The following ZSWIM5 variants were observed in gnomAD, a reference collection of about 807,000 sequenced individuals.
The protein encoded by ZSWIM5 is zinc finger SWIM domain-containing protein 5.
ZSWIM5 carries 55 observed loss-of-function variants against 119.6 expected under a neutral mutation model. The observed-to-expected ratio is 0.46, with a 90% CI of 0.37 to 0.58. The LOEUF (loss-of-function observed/expected upper bound fraction) is 0.58. ZSWIM5 is among the 20% of genes least tolerant of loss of function. The pLI is 0.00. For synonymous variants in ZSWIM5, 537 were observed against 606.9 expected, an observed-to-expected ratio of 0.88 and a Z score of 1.69; for missense variants, 1,193 against 1,512.8, an observed-to-expected ratio of 0.79 and a Z score of 3.51.
At chr1:45,059,766 T>A (rs1645142320) in intron 3 of ZSWIM5, among the ~76,000 whole-genome samples, 1 of 152,186 alleles carries the variant, frequency 6.6e-6, no homozygotes, top group Non-Finnish European at 1.5e-5. Flanking sequence ...TAAGTGTCTT[T>A]AGGAACAATG....
At chr1:45,027,903 G>A (rs1644929968) in intron 11 of ZSWIM5, among the ~76,000 whole-genome samples, 1 of 151,926 alleles carries the variant, frequency 6.6e-6, no homozygotes. Flanking sequence ...CCAGGCTGGA[G>A]TGCAATGGCA....
intron 1 of ZSWIM5, among the ~76,000 whole-genome samples, chr1:45,148,943 A>G (rs971564136): frequency 1.3e-5 from 2 of 152,210 alleles, no homozygotes; most frequent in African/African-American, 4.8e-5. Flanking sequence ...TGCTTAAGGG[A>G]ATAACAACAA....
In ZSWIM5 at chr1:45,132,616, CTTTT is replaced by C. The variant is rs529045614; in HGVS notation, c.596-44383_596-44380del. The stretch of plus-strand genomic sequence containing the variant: ...TGCCTACGGGAAAATAATTTTTTTT[CTTTT>C]TTTTTATTATACTTTAAGTTCTAGG... On this transcript the variant is annotated intron_variant, in intron 1 of 13. Coordinates refer to ENST00000359600, the MANE Select transcript of ZSWIM5 (RefSeq NM_020883.2). Among the ~76,000 whole-genome samples, 540 of 151,118 alleles carry C rather than the reference CTTTT, an allele frequency of 3.6e-3. 5 individuals are homozygous for C. The highest frequency in any genetic ancestry group is 0.016 in the East Asian group (81 of 5,150).
chr1:45,113,608 G>C (rs1163195272), intron 1 of ZSWIM5, among the ~76,000 whole-genome samples: 1 of 152,230 alleles, frequency 6.6e-6, no homozygotes, highest in Non-Finnish European at 1.5e-5. Context: ...AACTGGAACA[G>C]AAGCAGAAAG....
chr1:45,165,833 C>T (rs1195435457), intron 1 of ZSWIM5, among the ~76,000 whole-genome samples: 2 of 152,048 alleles, frequency 1.3e-5, no homozygotes, highest in Admixed American at 6.6e-5. Flanking sequence ...TAATAGCCTA[C>T]CAACCAAAAA....
At chr1:45,148,933 T>C (rs566285334) in intron 1 of ZSWIM5, among the ~76,000 whole-genome samples, 1 of 152,350 alleles carries the variant, frequency 6.6e-6, no homozygotes, top group Admixed American at 6.5e-5. Context: ...AGATCACAGC[T>C]GCTTAAGGGA....
intron 1 of ZSWIM5, among the ~76,000 whole-genome samples, chr1:45,110,304 T>C (rs564214843): frequency 1.3e-5 from 2 of 152,316 alleles, no homozygotes; most frequent in East Asian, 3.9e-4. Flanking sequence ...AAGAAAAGCC[T>C]TCTTCTGTGA....
rs55717021 is a variant in ZSWIM5, at chr1:45,038,604, C to CTTTTTTTTTTTTTTTT, written c.1894+316_1894+331dup. Among the ~76,000 whole-genome samples, 30 of 48,504 alleles carry CTTTTTTTTTTTTTTTT rather than the reference C, an allele frequency of 6.2e-4. 11 individuals are homozygous for CTTTTTTTTTTTTTTTT. The highest frequency in any genetic ancestry group is 9.1e-4 in the Non-Finnish European group (26 of 28,510). The allele number at this position is 48,504 out of a possible 152,430, so 31.8% of individuals were successfully genotyped here. A position where few individuals can be genotyped will look rare whatever the true frequency, so the allele number is the denominator to read the frequency against. On this transcript the variant is annotated intron_variant, in intron 8 of 13. Coordinates refer to ENST00000359600, the MANE Select transcript of ZSWIM5 (RefSeq NM_020883.2). Reference sequence around the variant, plus strand: ...GGAGAAAAGGGCTGACGAGGGCAGTCTTTTTTTTTTTTTTTTTAATGAAAC... The same window carrying CTTTTTTTTTTTTTTTT: ...GGAGAAAAGGGCTGACGAGGGCAGTCTTTTTTTTTTTTTTTTTTTTTTTTTTTTTTTTTAATGAAAC...
rs1646188324 is a variant in ZSWIM5 at position 45,206,081 on chromosome 1, C to T, written c.270G>A (p.Pro90=). ...AGACGATGCGGCGCTGCACGGGCTC[C>T]GGGATCCGCTCGAAGCGCTCCTCCA... is the stretch of plus-strand genomic sequence containing the variant. The part of the protein sequence containing the change: ...ERVEERFERI[P]EPVQRRIVYW... Residue 90 remains proline, a synonymous_variant, in exon 1 of 14, where the codon CCG becomes CCA. Transcript: ENST00000359600. 1 of 1,611,676 alleles carries T rather than the reference C, an allele frequency of 6.2e-7. No homozygotes were observed. The highest frequency in any genetic ancestry group is 1.1e-5 in the South Asian group (1 of 91,028).
intron 5 of ZSWIM5, among the ~76,000 whole-genome samples, chr1:45,048,216 T>C (rs1209092488): frequency 2.0e-5 from 3 of 151,982 alleles, no homozygotes; most frequent in South Asian, 2.1e-4. Flanking sequence ...ATTTTTGTAT[T>C]TTTTGTAGAG....
intron 1 of ZSWIM5, among the ~76,000 whole-genome samples, chr1:45,183,859 A>C (rs1486965835): frequency 6.6e-6 from 1 of 152,246 alleles, no homozygotes; most frequent in Admixed American, 6.5e-5. Flanking sequence ...AAACTATTCC[A>C]ATCAATAGAA....
At chr1:45,132,158 T>C (rs1298251580) in intron 1 of ZSWIM5, among the ~76,000 whole-genome samples, 1 of 151,516 alleles carries the variant, frequency 6.6e-6, no homozygotes, top group Non-Finnish European at 1.5e-5. Flanking sequence ...TATATATTTA[T>C]ATATGTACTT....
chr1:45,137,650 G>C (rs932970963), intron 1 of ZSWIM5, among the ~76,000 whole-genome samples: 1 of 152,124 alleles, frequency 6.6e-6, no homozygotes, highest in East Asian at 1.9e-4. Context: ...ACAATATAAA[G>C]ATCCAAAGAC....
chr1:45,134,679 A>G (rs1198993030), intron 1 of ZSWIM5, among the ~76,000 whole-genome samples: 1 of 152,206 alleles, frequency 6.6e-6, no homozygotes, highest in Non-Finnish European at 1.5e-5. Context: ...ATTGGAAAAA[A>G]GCATGATGCT....
rs1463982784 is a variant in ZSWIM5, at chr1:45,204,289, A to C, written c.595+1467T>G. Among the ~76,000 whole-genome samples, 6 of 152,272 alleles carry C rather than the reference A, an allele frequency of 3.9e-5. No homozygotes were observed. In the Middle Eastern group the frequency reaches 0.014, roughly 345 times the overall value. On this transcript the variant is annotated intron_variant, in intron 1 of 13. Transcript: ENST00000359600. ...TAAATAAATGATCGAAACTCAGAAA[A>C]ATTAAAATTTACAGACTAATAGGAA...
chr1:45,190,450 G>T (rs1163058647), intron 1 of ZSWIM5, among the ~76,000 whole-genome samples: 2 of 152,164 alleles, frequency 1.3e-5, no homozygotes, highest in Non-Finnish European at 2.9e-5. Flanking sequence ...ACTACTTTCA[G>T]TGACAGAAGT....
chr1:45,193,647 A>G (rs2149054239), intron 1 of ZSWIM5, among the ~76,000 whole-genome samples: 1 of 152,292 alleles, frequency 6.6e-6, no homozygotes, highest in African/African-American at 2.4e-5. Flanking sequence ...AGCATAAGTC[A>G]GACTACAAAA....
rs758591989 is a variant in ZSWIM5 at position 45,206,185 on chromosome 1, C to A, written c.166G>T (p.Ala56Ser). ...GAATCCGGCTGCAGGTGGGGGCGGG[C>A]CCCGAGGACCAGGCAGCTGCTGCCG... Reference protein sequence around the residue: ...GVGSSCLVLGARPHLQPDSLL... With the variant: ...GVGSSCLVLGSRPHLQPDSLL... The change falls in exon 1 of 14, where the codon GCC (alanine) becomes TCC (serine). Residue 56 changes from alanine to serine, a missense_variant. Ala to Ser is a moderately conservative substitution (Grantham distance 99). Transcript: ENST00000359600. The A allele has an allele frequency of 1.2e-6, 2 of 1,604,568 alleles. No individual in the cohort carries two copies. Among genetic ancestry groups the A allele is most frequent in the Non-Finnish European group, 1.7e-6 (2 of 1,176,640 alleles).
chr1:45,184,541 T>G (rs1646044867), intron 1 of ZSWIM5, among the ~76,000 whole-genome samples: 1 of 152,284 alleles, frequency 6.6e-6, no homozygotes, highest in African/African-American at 2.4e-5. Flanking sequence ...GATAAGCAAC[T>G]CCAGCAAAGT....
Sources: gnomAD v4.1 joint callset for allele counts (sites outside exome capture counted in the v4.1 genomes callset) on GRCh38, gnomAD v4.1.1 for gene constraint, MANE v1.5 for transcripts, NCBI Gene and HGNC (gene_info 2026-07-23, HGNC 2026-07-21) for gene names.